Variants in DIP2A observed in about 807,000 individuals in gnomAD.
The protein encoded by DIP2A is disco-interacting protein 2 homolog A.
DIP2A carries 85 observed loss-of-function variants against 177.4 expected under a neutral mutation model. That is an observed-to-expected ratio of 0.48 (90% CI 0.40 to 0.57). The LOEUF (loss-of-function observed/expected upper bound fraction) is 0.57. Ranked by LOEUF, DIP2A falls within the 20% of genes least tolerant of loss-of-function variation. DIP2A has a pLI of 0.00. For synonymous variants in DIP2A, 886 were observed against 881.8 expected (o/e 1.00, Z -0.08); for missense variants, 1,791 against 2,100.2 (o/e 0.85, Z 2.88).
chr21:46,546,030 G>A (rs750554401), intron 20 of DIP2A, 69 bp downstream of exon 20: 10 of 1,608,322 alleles, frequency 6.2e-6, no homozygotes, highest in East Asian at 4.5e-5. Flanking sequence ...GGGACACCTC[G>A]TTGCAGCCCC....
At chr21:46,516,616 CT>C (rs1187263486) in intron 8 of DIP2A, among the ~76,000 whole-genome samples, 1 of 150,990 alleles carries the variant, frequency 6.6e-6, no homozygotes, top group African/African-American at 2.4e-5. Flanking sequence ...CCTCAGCCTC[CT>C]GAATAGCTGG....
chr21:46,567,391 C>G lies in DIP2A; in HGVS notation c.4485C>G (p.Asn1495Lys). 3 of 1,613,516 alleles carry G rather than the reference C, an allele frequency of 1.9e-6. No homozygotes were observed. In the African/African-American group the frequency reaches 4.0e-5, roughly 22 times the overall value. Reference protein sequence around the residue: ...IAECAVFTWTNLLVVVVELDG... With the variant: ...IAECAVFTWTKLLVVVVELDG... Reference sequence around the variant, plus strand: ...GCAGTGCCGTATTCACCTGGACCAACCTGCTGGTGGTGGTGGTGGAGCTGG... The same window carrying G: ...GCAGTGCCGTATTCACCTGGACCAAGCTGCTGGTGGTGGTGGTGGAGCTGG... Residue 1495 changes from asparagine (N) to lysine (K), a missense_variant, in exon 38 of 38, where the codon AAC becomes AAG. Coordinates refer to ENST00000417564, the MANE Select transcript of DIP2A (RefSeq NM_015151.4).
chr21:46,471,233 G>A (rs909880990), intron 1 of DIP2A, among the ~76,000 whole-genome samples: 8 of 152,030 alleles, frequency 5.3e-5, no homozygotes, highest in Admixed American at 3.3e-4. Flanking sequence ...GTCTCACCAC[G>A]TTGCCCAGGC....
At position 46,467,322 on chromosome 21, in the gene DIP2A, G is replaced by C. The variant is rs1669397030; in HGVS notation, c.91+8100G>C. Among the ~76,000 whole-genome samples the C allele has an allele frequency of 2.0e-5, 3 of 149,656 alleles. No homozygotes were observed. In the South Asian group the frequency reaches 6.4e-4, roughly 32 times the overall value. On this transcript the variant is annotated intron_variant, in intron 1 of 37. Transcript: ENST00000417564. Reference sequence around the variant, plus strand: ...AAAAAAAAAAAAAAAAAATTTAAATGAGTTAAATATTTAAAAAATTTCACA... The same window carrying C: ...AAAAAAAAAAAAAAAAAATTTAAATCAGTTAAATATTTAAAAAATTTCACA...
At chr21:46,538,411 C>T in intron 15 of DIP2A, 72 bp from the exon 16 acceptor site, 1 of 1,510,728 alleles carries the variant, frequency 6.6e-7, no homozygotes. Context: ...GGATGAGGTA[C>T]ACGTGTCTGT....
chr21:46,468,261 C>CAAAAAAAAAA (rs1207842729), intron 1 of DIP2A, among the ~76,000 whole-genome samples: 1 of 87,848 alleles, frequency 1.1e-5, no homozygotes, highest in African/African-American at 4.7e-5. Flanking sequence ...GAGACTGTCT[C>CAAAAAAAAAA]AAAAAAAAAA....
At chr21:46,521,773 A>C (rs536480622) in intron 8 of DIP2A, among the ~76,000 whole-genome samples, 14 of 152,400 alleles carry the variant, frequency 9.2e-5, no homozygotes, top group Admixed American at 9.1e-4. Context: ...GTGTTCACAC[A>C]CAATTTCTTT....
intron 28 of DIP2A, 70 bp from the exon 29 acceptor site, chr21:46,555,912 C>A (rs1429136329): frequency 1.7e-6 from 2 of 1,180,556 alleles, no homozygotes; most frequent in Admixed American, 3.4e-5. Flanking sequence ...TCGCCTCTTG[C>A]CTGTGAAAGC....
At chr21:46,464,844 T>TTTTTTTTCA (rs58546395) in intron 1 of DIP2A, among the ~76,000 whole-genome samples, 1 of 111,218 alleles carries the variant, frequency 9.0e-6, no homozygotes, top group Non-Finnish European at 1.7e-5. Context: ...TTTTTTTTTT[T>TTTTTTTTCA]CAAGAAAACA....
intron 4 of DIP2A, 146 bp downstream of exon 4, chr21:46,497,253 G>T: frequency 9.8e-7 from 1 of 1,023,398 alleles, no homozygotes. Flanking sequence ...GTTTGCATAT[G>T]CTCGTATTCC....
intron 1 of DIP2A, among the ~76,000 whole-genome samples, chr21:46,483,693 C>T (rs912805724): frequency 2.0e-5 from 3 of 152,208 alleles, no homozygotes; most frequent in Non-Finnish European, 4.4e-5. Flanking sequence ...ATAAAAAATA[C>T]ATCTAAAGGA....
At chr21:46,551,044 C>T (rs1484134174) in intron 23 of DIP2A, among the ~76,000 whole-genome samples, 1 of 152,240 alleles carries the variant, frequency 6.6e-6, no homozygotes, top group Non-Finnish European at 1.5e-5. Flanking sequence ...TAGGAGATGG[C>T]TCCCTAGGGC....
chr21:46,569,498 A>T lies in DIP2A; in HGVS notation c.*1876A>T, dbSNP rs929395913. On this transcript the variant is annotated 3_prime_UTR_variant, in exon 38 of 38. Transcript: ENST00000417564. ...GGAAGGGAAAGAAAAAAAAAAAAAA[A>T]CTACCTAACTCCAATCTTAATGTTG... 6.7e-6 allele frequency: 1 copy of T among 148,458 alleles called. No individual in the cohort carries two copies. The highest frequency in any genetic ancestry group is 1.5e-5 in the Non-Finnish European group (1 of 66,922). 9.2% of individuals were successfully genotyped at this position (148,458 alleles called of 1,614,324 possible). A position where few individuals can be genotyped will look rare whatever the true frequency, so the allele number is the denominator to read the frequency against.
intron 3 of DIP2A, among the ~76,000 whole-genome samples, chr21:46,495,335 C>G (rs1214875972): frequency 6.7e-6 from 1 of 149,964 alleles, no homozygotes; most frequent in Admixed American, 6.7e-5. Flanking sequence ...ATGGCGTGAT[C>G]TCGGCTCACC....
At chr21:46,562,781 AGT>A (rs948148446) in intron 34 of DIP2A, among the ~76,000 whole-genome samples, 4 of 152,046 alleles carry the variant, frequency 2.6e-5, no homozygotes, top group African/African-American at 9.7e-5. Context: ...ACCAGCCGAG[AGT>A]GGAGTCGGGT....
the DIP2A span, among the ~76,000 whole-genome samples, chr21:46,575,619 C>A: frequency 1.3e-5 from 2 of 152,016 alleles, no homozygotes; most frequent in Non-Finnish European, 2.9e-5. Flanking sequence ...TCACAATGAA[C>A]AATTCGAAAA....
At chr21:46,545,752 G>A (rs565785816) in intron 19 of DIP2A, 129 bp from the exon 20 acceptor site, 1 of 1,107,490 alleles carries the variant, frequency 9.0e-7, no homozygotes, top group East Asian at 2.4e-5. Context: ...CCTATGCAGG[G>A]CCAGCCTCCT....
At chr21:46,555,540 G>C (rs892990163) in intron 28 of DIP2A, 1 of 203,898 alleles carries the variant, frequency 4.9e-6, no homozygotes, top group Admixed American at 5.3e-5. Flanking sequence ...TGCACCCAGG[G>C]AGGCAGTGGT....
intron 15 of DIP2A, 92 bp from the exon 16 acceptor site, chr21:46,538,391 C>T (rs892651423): frequency 1.1e-5 from 17 of 1,482,966 alleles, no homozygotes; most frequent in South Asian, 9.4e-5. Context: ...TGCATGTACA[C>T]CTCTCTGTGG....
Sources: gnomAD v4.1 joint callset for allele counts (sites outside exome capture counted in the v4.1 genomes callset) on GRCh38, gnomAD v4.1.1 for gene constraint, MANE v1.5 for transcripts, NCBI Gene and HGNC (gene_info 2026-07-23, HGNC 2026-07-21) for gene names.